The following IL17RD variants were observed in gnomAD, a reference collection of about 807,000 sequenced individuals.
IL17RD encodes interleukin 17 receptor D.
In IL17RD, 52 loss-of-function variants were observed where a neutral mutation model predicts 80.5. That is an observed-to-expected ratio of 0.65 (90% CI 0.52 to 0.81). The LOEUF is 0.81. IL17RD is among the 40% of genes least tolerant of loss of function. IL17RD has a pLI of 0.00. For missense variants in IL17RD, 1,024 were observed against 955.1 expected (o/e 1.07, Z -0.95); for synonymous variants, 416 against 391.8 (o/e 1.06, Z -0.73).
At position 57,098,080 on chromosome 3, in the gene IL17RD, G is replaced by C; in HGVS notation, c.1623C>G (p.Ser541=). ...GCATGTTGCAAATGGCGACGTATAG[G>C]GACCGGCCTGACTTGCTCCGGAAGT... is the stretch of plus-strand genomic sequence containing the variant. ...RNYFRSKSGR[S]LYVAICNMHQ... Residue 541 remains serine (S), a synonymous_variant, in exon 12 of 13, where the codon TCC becomes TCG. Transcript: ENST00000296318. The C allele has an allele frequency of 6.2e-7, 1 of 1,614,002 alleles. No homozygotes were observed. The highest frequency in any genetic ancestry group is 8.5e-7 in the Non-Finnish European group (1 of 1,179,896).
In IL17RD at chr3:57,104,318, A is replaced by T. The variant is rs1706902650; in HGVS notation, c.813+24T>A. 4 of 1,533,472 alleles carry T rather than the reference A, an allele frequency of 2.6e-6. No homozygotes were observed. The South Asian group carries it at 3.4e-5, about 13-fold the overall frequency. 95.0% of individuals were successfully genotyped at this position (1,533,472 alleles called of 1,614,324 possible). Reference sequence around the variant, plus strand: ...ACTGGGTTCATTCTATAGCATTAATAGGGCTTTCTTGTGTTATGCATACCT... The same window carrying T: ...ACTGGGTTCATTCTATAGCATTAATTGGGCTTTCTTGTGTTATGCATACCT... On this transcript the variant is annotated intron_variant, in intron 8 of 12. Transcript: ENST00000296318.
Position 57,114,793 on chromosome 3 carries a change from A to C in IL17RD, c.209T>G (p.Val70Gly), listed in dbSNP as rs748002397. 9 of 1,609,074 alleles carry C rather than the reference A, an allele frequency of 5.6e-6. No individual in the cohort carries two copies. Among genetic ancestry groups the C allele is most frequent in the African/African-American group, 1.3e-5 (1 of 74,738 alleles). The change falls in exon 3 of 13, where the codon GTG (valine) becomes GGG (glycine). Residue 70 changes from valine (V) to glycine (G), a missense_variant. Coordinates refer to ENST00000296318, the MANE Select transcript of IL17RD (RefSeq NM_017563.5). Reference sequence around the variant, plus strand: ...GGCGTCAGCAATCACATGCTTCCCCACTGGATTCAAGTAGGTGGTACAATC... The same window carrying C: ...GGCGTCAGCAATCACATGCTTCCCCCCTGGATTCAAGTAGGTGGTACAATC... The part of the protein sequence containing the change: ...YDNCTTYLNP[V>G]GKHVIADAQN...
intron 1 of IL17RD, among the ~76,000 whole-genome samples, chr3:57,147,007 T>C (rs1707945675): frequency 7.0e-6 from 1 of 143,816 alleles, no homozygotes; most frequent in Non-Finnish European, 1.5e-5. Context: ...TTTTTTTTTT[T>C]TGTATTTTTA....
At chr3:57,113,995 C>G (rs902499919) in intron 3 of IL17RD, among the ~76,000 whole-genome samples, 1 of 151,896 alleles carries the variant, frequency 6.6e-6, no homozygotes, top group African/African-American at 2.4e-5. Context: ...ACCAGCCTGG[C>G]CAACATGGTG....
chr3:57,102,446 T>G, intron 10 of IL17RD, 33 bp downstream of exon 10: 1 of 1,262,024 alleles, frequency 7.9e-7, no homozygotes, highest in Non-Finnish European at 1.1e-6. Flanking sequence ...GCCTGCCCCT[T>G]GTTGTGGGGA....
At position 57,108,807 on chromosome 3, in the gene IL17RD, C is replaced by T. The variant is rs190743588; in HGVS notation, c.550+730G>A. Among the ~76,000 whole-genome samples the T allele has an allele frequency of 4.5e-3, 680 of 151,932 alleles. 3 individuals carry two copies. Among genetic ancestry groups the T allele is most frequent in the African/African-American group, 0.016 (652 of 41,424 alleles). On this transcript the variant is annotated intron_variant, in intron 5 of 12. Coordinates refer to ENST00000296318, the MANE Select transcript of IL17RD (RefSeq NM_017563.5). Reference sequence around the variant, plus strand: ...TTGGGATTACAGGCATGAGCCACCGCGCCTGGCCATCTGTCTTTTTTAACT... The same window carrying T: ...TTGGGATTACAGGCATGAGCCACCGTGCCTGGCCATCTGTCTTTTTTAACT...
At chr3:57,121,227 A>T (rs1028345751) in intron 1 of IL17RD, among the ~76,000 whole-genome samples, 1 of 152,232 alleles carries the variant, frequency 6.6e-6, no homozygotes, top group African/African-American at 2.4e-5. Context: ...CTCAACAAGA[A>T]GGATGTTGGA....
chr3:57,105,739 T>A lies in IL17RD; in HGVS notation c.747+118A>T. 6.6e-6 allele frequency: 5 copies of A among 759,642 alleles called. No homozygotes were observed. The South Asian group carries it at 9.7e-5, about 15-fold the overall frequency. The allele number at this position is 759,642 out of a possible 1,614,324, so 47.1% of individuals were successfully genotyped here. On this transcript the variant is annotated intron_variant, in intron 7 of 12. Transcript: ENST00000296318. Reference sequence around the variant, plus strand: ...TGCCCAATGATTACATTCTCAAGTATCTACCAACCACTGAGAGCCAACAAA... The same window carrying A: ...TGCCCAATGATTACATTCTCAAGTAACTACCAACCACTGAGAGCCAACAAA...
chr3:57,129,382 A>G (rs1707560522), intron 1 of IL17RD, among the ~76,000 whole-genome samples: 1 of 152,198 alleles, frequency 6.6e-6, no homozygotes, highest in Non-Finnish European at 1.5e-5. Context: ...TATAAACATG[A>G]TTGTTATGCC....
intron 5 of IL17RD, among the ~76,000 whole-genome samples, chr3:57,108,509 CTTTTTTTT>C (rs34594516): frequency 4.5e-4 from 22 of 49,164 alleles, no homozygotes; most frequent in African/African-American, 2.0e-3. Context: ...TGATACATGG[CTTTTTTTT>C]TTTTTTTTTT....
chr3:57,145,138 C>G (rs558714931), intron 1 of IL17RD, among the ~76,000 whole-genome samples: 2 of 152,340 alleles, frequency 1.3e-5, no homozygotes, highest in East Asian at 1.9e-4. Context: ...CCAACCCAGA[C>G]AGTTGCTGAC....
chr3:57,166,113 G>C (rs537423499), upstream of IL17RD, among the ~76,000 whole-genome samples: 2 of 152,286 alleles, frequency 1.3e-5, no homozygotes, highest in South Asian at 2.1e-4. Context: ...CTGTTTGGAA[G>C]AGGAAACTGA....
In IL17RD at chr3:57,146,045, G is replaced by GCGCGCACACACA. The variant is rs766646872; in HGVS notation, c.126+19115_126+19116insTGTGTGTGCGCG. 2.6e-5 allele frequency among the ~76,000 whole-genome samples: 4 copies of GCGCGCACACACA among 151,246 alleles called. No individual in the cohort carries two copies. The East Asian group carries it at 7.9e-4, about 30-fold the overall frequency. ...CACACACACTCACGCGCGCGCGCGC[G>GCGCGCACACACA]CACACACACACACACTGATGCATGC... On this transcript the variant is annotated intron_variant, in intron 1 of 12. Transcript: ENST00000296318.
intron 11 of IL17RD, among the ~76,000 whole-genome samples, chr3:57,099,807 A>G (rs1213552999): frequency 6.6e-6 from 1 of 152,248 alleles, no homozygotes; most frequent in African/African-American, 2.4e-5. Context: ...GTATTAACTC[A>G]GTTATGGCAA....
intron 1 of IL17RD, among the ~76,000 whole-genome samples, chr3:57,129,623 C>A (rs1579294187): frequency 1.3e-5 from 2 of 152,214 alleles, no homozygotes; most frequent in Non-Finnish European, 2.9e-5. Flanking sequence ...TCCACCCCAA[C>A]AGGTCCCCGG....
intron 1 of IL17RD, among the ~76,000 whole-genome samples, chr3:57,144,437 C>T (rs1707887455): frequency 6.6e-6 from 1 of 152,216 alleles, no homozygotes; most frequent in Admixed American, 6.5e-5. Flanking sequence ...TCCTCTCCTG[C>T]CCACGACAGG....
In IL17RD at chr3:57,101,313, T is replaced by G. The variant is rs766423655; in HGVS notation, c.1030A>C (p.Thr344Pro). Reference sequence around the variant, plus strand: ...AGCCTCTCTCTTGGGAGTGCTGCAGTGTATGTGGAAGACTCAGAGCTCTCT... The same window carrying G: ...AGCCTCTCTCTTGGGAGTGCTGCAGGGTATGTGGAAGACTCAGAGCTCTCT... ...DEESSESSTY[T>P]AALPRERLRP... Residue 344 changes from threonine to proline, a missense_variant, in exon 11 of 13, where the codon ACT becomes CCT. Transcript: ENST00000296318. 1 of 1,612,942 alleles carries G rather than the reference T, an allele frequency of 6.2e-7. No individual in the cohort carries two copies. The highest frequency in any genetic ancestry group is 1.3e-5 in the African/African-American group (1 of 75,008).
chr3:57,157,914 C>A (rs2060279313), intron 1 of IL17RD, among the ~76,000 whole-genome samples: 2 of 152,156 alleles, frequency 1.3e-5, no homozygotes, highest in African/African-American at 4.8e-5. Flanking sequence ...TAAAGGGTTA[C>A]TATTCAATGG....
At chr3:57,098,663 G>A in intron 11 of IL17RD, 125 bp from the exon 12 acceptor site, 2 of 677,728 alleles carry the variant, frequency 3.0e-6, no homozygotes, top group South Asian at 3.6e-5. Flanking sequence ...TATTAGCACA[G>A]CTATGTGCAG....
Sources: gnomAD v4.1 joint callset for allele counts (sites outside exome capture counted in the v4.1 genomes callset) on GRCh38, gnomAD v4.1.1 for gene constraint, MANE v1.5 for transcripts, NCBI Gene and HGNC (gene_info 2026-07-23, HGNC 2026-07-21) for gene names.